SERPINA11: variants seen among roughly 807,000 people sequenced by gnomAD.
SERPINA11 encodes the protein serpin family A member 11.
A neutral mutation model predicts 29.4 loss-of-function variants in SERPINA11; 28 were observed. The observed-to-expected ratio is 0.95, with a 90% CI of 0.70 to 1.30. The LOEUF (loss-of-function observed/expected upper bound fraction) is 1.30. Ranked by LOEUF, SERPINA11 falls within the 50% of genes most tolerant of loss-of-function variation. The pLI, the probability that SERPINA11 is intolerant of heterozygous loss-of-function variation, is 0.00. For synonymous variants in SERPINA11, 253 were observed against 206.6 expected, an observed-to-expected ratio of 1.22 and a Z score of -1.92; for missense variants, 530 against 507.3, an observed-to-expected ratio of 1.04 and a Z score of -0.43.
intron 1 of SERPINA11, 144 bp downstream of exon 1, chr14:94,452,585 C>T (rs1350619166): frequency 9.6e-6 from 1 of 103,922 alleles, no homozygotes; most frequent in Non-Finnish European, 2.1e-5. Context: ...CCATCCTTAC[C>T]ATCAAAGCCA....
rs775380903 is a variant in SERPINA11, at chr14:94,448,116, T to A, written c.643+16A>T. The stretch of plus-strand genomic sequence containing the variant: ...TGCAGAGGCAGTGGCAATAATTCTG[T>A]CAGAGCAAGCCTCACCTTTGAAGAA... On this transcript the variant is annotated intron_variant, in intron 2 of 4. Coordinates refer to ENST00000334708, the MANE Select transcript of SERPINA11 (RefSeq NM_001080451.2). 6.2e-7 allele frequency: 1 copy of A among 1,606,560 alleles called. No homozygotes were observed. The highest frequency in any genetic ancestry group is 8.5e-7 in the Non-Finnish European group (1 of 1,175,326).
Position 94,446,405 on chromosome 14 carries a change from C to T in SERPINA11, c.843G>A (p.Pro281=), listed in dbSNP as rs745458726. 73 of 1,613,980 alleles carry T rather than the reference C, an allele frequency of 4.5e-5. No homozygotes were observed. Among genetic ancestry groups the T allele is most frequent in the Non-Finnish European group, 5.4e-5 (64 of 1,179,986 alleles). ...NALALLVLPD[P]GKMKQVEAAL... ...CAGCCTCCACCTGCTTCATTTTCCC[C>T]GGGTCAGGGAGGACCAGCAGCGCCA... The change falls in exon 3 of 5, where the codon CCG becomes CCA. Residue 281 remains proline (P), a synonymous_variant. Coordinates refer to ENST00000334708, the MANE Select transcript of SERPINA11 (RefSeq NM_001080451.2).
chr14:94,445,385 G>A (rs1898414186), intron 3 of SERPINA11, among the ~76,000 whole-genome samples: 2 of 151,988 alleles, frequency 1.3e-5, no homozygotes, highest in South Asian at 2.1e-4. Context: ...TGGTGAAGGG[G>A]GTCTAGGGAA....
chr14:94,452,177 A>G (rs1405284185), intron 1 of SERPINA11, among the ~76,000 whole-genome samples: 1 of 152,192 alleles, frequency 6.6e-6, no homozygotes, highest in Non-Finnish European at 1.5e-5. Context: ...AAATACCGGT[A>G]GTGCCCTTGT....
At chr14:94,448,811 C>A in intron 1 of SERPINA11, 34 bp from the exon 2 acceptor site, 1 of 1,495,142 alleles carries the variant, frequency 6.7e-7, no homozygotes, top group South Asian at 1.5e-5. Flanking sequence ...TCACTTTTCT[C>A]CATAAATAAT....
intron 1 of SERPINA11, among the ~76,000 whole-genome samples, chr14:94,448,983 A>G (rs1898504896): frequency 6.6e-6 from 1 of 152,170 alleles, no homozygotes; most frequent in South Asian, 2.1e-4. Context: ...TCTGCTTTAC[A>G]TATAGTAGGT....
chr14:94,449,406 A>ATTCTTTCTTTCTTTCTATTCT (rs1898523345), intron 1 of SERPINA11, among the ~76,000 whole-genome samples: 1 of 40,696 alleles, frequency 2.5e-5, no homozygotes, highest in Admixed American at 2.1e-4. Flanking sequence ...CTTTCTTTCT[A>ATTCTTTCTTTCTTTCTATTCT]TTCTTTCTTT....
chr14:94,448,192 A>C lies in SERPINA11; in HGVS notation c.583T>G (p.Cys195Gly), dbSNP rs749325818. The change falls in exon 2 of 5, where the codon TGC becomes GGC. Residue 195 changes from cysteine (C) to glycine (G), a missense_variant. Physicochemically the swap from Cys to Gly is radical, Grantham distance 159 (BLOSUM62 -3). Transcript: ENST00000334708. ...GTGTCCTGGCTGAACTCCGGGAGGC[A>C]GTCCACGACTTGCCCGTATGTTTGC... is the stretch of plus-strand genomic sequence containing the variant. ...RRQTYGQVVD[C>G]LPEFSQDTFM... is the part of the protein sequence containing the mutation. 1.2e-6 allele frequency: 2 copies of C among 1,614,246 alleles called. No individual in the cohort carries two copies. The highest frequency in any genetic ancestry group is 3.3e-5 in the Admixed American group (2 of 60,028).
chr14:94,449,509 T>TTCTTTTTC (rs1376198256), intron 1 of SERPINA11, among the ~76,000 whole-genome samples: 29 of 128,226 alleles, frequency 2.3e-4, no homozygotes, highest in African/African-American at 9.4e-4. Context: ...TTCTCTTTCT[T>TTCTTTTTC]TTTCTTTCTT....
chr14:94,449,298 T>C (rs1486797275), intron 1 of SERPINA11, among the ~76,000 whole-genome samples: 1 of 152,156 alleles, frequency 6.6e-6, no homozygotes, highest in Non-Finnish European at 1.5e-5. Flanking sequence ...ATTGTACCAC[T>C]GCACTCCAGC....
Position 94,448,302 on chromosome 14 carries a change from T to C in SERPINA11, c.473A>G (p.Lys158Arg). 1 of 1,614,258 alleles carries C rather than the reference T, an allele frequency of 6.2e-7. No individual in the cohort carries two copies. The highest frequency in any genetic ancestry group is 8.5e-7 in the Non-Finnish European group (1 of 1,180,044). ...KPRQHYLDSI[K>R]ELYGAFAFSA... ...AAAAGCAAAAGCTCCATAAAGCTCCTTGATGCTGTCCAAATAGTGCTGCCG... is the reference window on the plus strand; with the variant it reads ...AAAAGCAAAAGCTCCATAAAGCTCCCTGATGCTGTCCAAATAGTGCTGCCG... The change falls in exon 2 of 5, where the codon AAG becomes AGG. Residue 158 changes from lysine (K) to arginine (R), a missense_variant. By Grantham distance (26) the Lys-to-Arg change is conservative. Transcript: ENST00000334708.
intron 1 of SERPINA11, among the ~76,000 whole-genome samples, chr14:94,450,233 G>A (rs965344019): frequency 1.3e-5 from 2 of 152,082 alleles, no homozygotes; most frequent in African/African-American, 4.8e-5. Flanking sequence ...GTACCTGCCC[G>A]AAATTCATAT....
At chr14:94,451,931 A>G (rs1176560179) in intron 1 of SERPINA11, among the ~76,000 whole-genome samples, 1 of 152,234 alleles carries the variant, frequency 6.6e-6, no homozygotes, top group African/African-American at 2.4e-5. Flanking sequence ...TTCGTGAAGT[A>G]TAATATTCTC....
At chr14:94,443,248 A>AAATGGTG (rs759381668) in intron 3 of SERPINA11, 23 bp from the exon 4 acceptor site, 59 of 1,605,800 alleles carry the variant, frequency 3.7e-5, no homozygotes, top group Non-Finnish European at 4.4e-5. Flanking sequence ...ACAGACAGAG[A>AAATGGTG]AATGGTGCTC....
chr14:94,448,014 T>G (rs1315404983), intron 2 of SERPINA11, 118 bp downstream of exon 2: 14 of 1,002,908 alleles, frequency 1.4e-5, no homozygotes, highest in Middle Eastern at 6.5e-4. Flanking sequence ...GTGGGAAAGC[T>G]CTATCTTATT....
chr14:94,448,260 T>C lies in SERPINA11; in HGVS notation c.515A>G (p.Asp172Gly), dbSNP rs1898484369. Residue 172 changes from aspartate (D) to glycine (G), a missense_variant, in exon 2 of 5, where the codon GAT becomes GGT. Transcript: ENST00000334708. ...GAFAFSANFT[D>G]SVTTGRQIND... ...AATCTGCCTCCCAGTTGTAACAGAA[T>C]CTGTGAAGTTGGCAGAAAAAGCAAA... 6.2e-7 allele frequency: 1 copy of C among 1,614,110 alleles called. No individual in the cohort carries two copies. Among genetic ancestry groups the C allele is most frequent in the Admixed American group, 1.7e-5 (1 of 59,998 alleles).
At chr14:94,445,265 A>T (rs1279493743) in intron 3 of SERPINA11, among the ~76,000 whole-genome samples, 1 of 152,196 alleles carries the variant, frequency 6.6e-6, no homozygotes, top group African/African-American at 2.4e-5. Flanking sequence ...GTCTTAAGTC[A>T]TTCGGTTTTG....
intron 1 of SERPINA11, among the ~76,000 whole-genome samples, chr14:94,449,445 C>T (rs899923469): frequency 5.5e-5 from 6 of 110,026 alleles, no homozygotes; most frequent in Admixed American, 2.8e-4. Context: ...TTCTTTCTTT[C>T]TTTCTTTCTT....
At position 94,448,610 on chromosome 14, in the gene SERPINA11, G is replaced by C; in HGVS notation, c.165C>G (p.Thr55=). ...PAYHRITPTI[T]NFALRLYKEL... ...CTTTATACAAACGCAAAGCAAAATT[G>C]GTAATGGTGGGTGTGATTCTGTGGT... The change falls in exon 2 of 5, where the codon ACC becomes ACG. Residue 55 remains threonine (T), a synonymous_variant. Transcript: ENST00000334708. The C allele has an allele frequency of 6.2e-7, 1 of 1,613,240 alleles. No individual in the cohort carries two copies.
Sources: allele counts gnomAD v4.1 joint callset (sites outside exome capture counted in the v4.1 genomes callset), GRCh38; gene constraint gnomAD v4.1.1; transcripts MANE v1.5; gene names NCBI Gene and HGNC (gene_info 2026-07-23, HGNC 2026-07-21).